DAB2IP: variants seen among roughly 807,000 people sequenced by gnomAD.
The protein encoded by DAB2IP is disabled homolog 2-interacting protein.
A neutral mutation model predicts 107.2 loss-of-function variants in DAB2IP; 28 were observed. The observed-to-expected ratio is 0.26, with a 90% CI of 0.19 to 0.36. The LOEUF (loss-of-function observed/expected upper bound fraction) is 0.36, where lower values mean the gene tolerates loss of function less well. DAB2IP is among the 10% of genes least tolerant of loss of function. The pLI is 1.00. For missense variants in DAB2IP, 1,400 were observed against 1,644.7 expected (o/e 0.85, Z 2.57); for synonymous variants, 755 against 706.4 (o/e 1.07, Z -1.09).
In DAB2IP at chr9:121,678,928, C is replaced by T. The variant is rs1033884676; in HGVS notation, c.228+147C>T. ...CCTCCCTTGCTCTAGGTATCCGATCCCTCAGCTGCTCCCATCTCCGTGGCT... is the reference window on the plus strand; with the variant it reads ...CCTCCCTTGCTCTAGGTATCCGATCTCTCAGCTGCTCCCATCTCCGTGGCT... On this transcript the variant is annotated intron_variant, in intron 2 of 15. Coordinates refer to ENST00000408936, the Ensembl canonical transcript of DAB2IP. 6 of 727,956 alleles carry T rather than the reference C, an allele frequency of 8.2e-6. No homozygotes were observed. The African/African-American group carries it at 9.2e-5, about 11-fold the overall frequency. 45.1% of individuals were successfully genotyped at this position (727,956 alleles called of 1,614,324 possible).
At chr9:121,689,258 C>T (rs374866498) in intron 2 of DAB2IP, among the ~76,000 whole-genome samples, 1 of 151,036 alleles carries the variant, frequency 6.6e-6, no homozygotes, top group East Asian at 1.9e-4. Flanking sequence ...CGCGCCACTA[C>T]ACTCTAGCCT....
chr9:121,618,711 G>T (rs965857441), intron 1 of DAB2IP, among the ~76,000 whole-genome samples: 1 of 152,132 alleles, frequency 6.6e-6, no homozygotes. Flanking sequence ...CGCTGTAGGC[G>T]TGACATCCAG....
intron 14 of DAB2IP, among the ~76,000 whole-genome samples, chr9:121,780,881 A>C (rs1835572651): frequency 6.6e-6 from 1 of 151,592 alleles, no homozygotes; most frequent in African/African-American, 2.4e-5. Flanking sequence ...CTGATGTGCG[A>C]CCTCCCAGCC....
At chr9:121,739,391 A>C (rs1032118189) in intron 3 of DAB2IP, among the ~76,000 whole-genome samples, 9 of 152,198 alleles carry the variant, frequency 5.9e-5, no homozygotes, top group African/African-American at 2.2e-4. Flanking sequence ...AGCAGTTCAG[A>C]TTTATTCAGT....
intron 1 of DAB2IP, among the ~76,000 whole-genome samples, chr9:121,603,741 A>AG (rs780391534): frequency 6.6e-5 from 10 of 152,084 alleles, no homozygotes; most frequent in Admixed American, 1.3e-4. Context: ...TTTTCTGTAA[A>AG]GGGGCTGAAG....
chr9:121,657,609 G>T (rs544651331), intron 1 of DAB2IP, among the ~76,000 whole-genome samples: 15 of 152,208 alleles, frequency 9.9e-5, no homozygotes, highest in African/African-American at 2.6e-4. Flanking sequence ...GAAATAACTG[G>T]TTTGAACCCA....
chr9:121,754,499 T>C (rs1311441153), intron 3 of DAB2IP, among the ~76,000 whole-genome samples: 1 of 152,168 alleles, frequency 6.6e-6, no homozygotes, highest in Admixed American at 6.5e-5. Flanking sequence ...GGATGCAGCC[T>C]CTGCTTTACA....
intron 1 of DAB2IP, among the ~76,000 whole-genome samples, chr9:121,607,519 C>T (rs993389507): frequency 9.2e-5 from 14 of 151,830 alleles, no homozygotes; most frequent in African/African-American, 2.9e-4. Context: ...TCCAGGCTGG[C>T]GAACTCCTGG....
At chr9:121,674,400 G>A (rs1006988662) in intron 1 of DAB2IP, among the ~76,000 whole-genome samples, 11 of 152,288 alleles carry the variant, frequency 7.2e-5, no homozygotes, top group African/African-American at 1.7e-4. Flanking sequence ...CTCCAGTTTC[G>A]TATGGAGTGC....
intron 1 of DAB2IP, among the ~76,000 whole-genome samples, chr9:121,641,929 CTT>C (rs1832316359): frequency 2.2e-5 from 3 of 134,728 alleles, no homozygotes; most frequent in African/African-American, 8.6e-5. Flanking sequence ...TTCTTTCTTT[CTT>C]TCTTTCTCTC....
At chr9:121,725,467 A>C (rs1450351604) in intron 3 of DAB2IP, among the ~76,000 whole-genome samples, 1 of 152,188 alleles carries the variant, frequency 6.6e-6, no homozygotes, top group Non-Finnish European at 1.5e-5. Context: ...TGGGGTACCC[A>C]GTGCAGCAAA....
exon 9 of DAB2IP, chr9:121,766,628 C>T (rs1373975194): frequency 1.2e-6 from 2 of 1,614,168 alleles, no homozygotes. Flanking sequence ...GCCATCATGT[C>T]GCCCTCACTC....
chr9:121,609,418 A>T (rs190314166), intron 1 of DAB2IP, among the ~76,000 whole-genome samples: 1 of 152,132 alleles, frequency 6.6e-6, no homozygotes, highest in Non-Finnish European at 1.5e-5. Flanking sequence ...AAGCTCCCAG[A>T]CCACCAGGAT....
At chr9:121,639,365 G>T (rs1832200126) in intron 1 of DAB2IP, among the ~76,000 whole-genome samples, 1 of 152,204 alleles carries the variant, frequency 6.6e-6, no homozygotes, top group African/African-American at 2.4e-5. Context: ...TCAGAGCACA[G>T]CGGCAAGCTG....
intron 3 of DAB2IP, among the ~76,000 whole-genome samples, chr9:121,706,981 A>G (rs1404847897): frequency 6.6e-6 from 1 of 152,194 alleles, no homozygotes; most frequent in Admixed American, 6.5e-5. Flanking sequence ...GGGAGGGGTA[A>G]GAAGTGATCC....
chr9:121,660,303 C>T (rs953861386), intron 1 of DAB2IP, among the ~76,000 whole-genome samples: 2 of 152,174 alleles, frequency 1.3e-5, no homozygotes, highest in Admixed American at 6.5e-5. Flanking sequence ...GAGGCTCAGA[C>T]TGGTTAAGTG....
At chr9:121,747,856 G>A (rs147630190) in intron 3 of DAB2IP, among the ~76,000 whole-genome samples, 7 of 110,012 alleles carry the variant, frequency 6.4e-5, no homozygotes, top group East Asian at 2.6e-4. Flanking sequence ...CTCCTCCCCC[G>A]CAAAAAAAAA....
intron 2 of DAB2IP, among the ~76,000 whole-genome samples, chr9:121,688,277 A>G (rs1466958989): frequency 6.6e-6 from 1 of 152,246 alleles, no homozygotes; most frequent in Non-Finnish European, 1.5e-5. Flanking sequence ...TTGTTTCCAA[A>G]GCCAGGAGGC....
chr9:121,755,229 G>A (rs1311998497), intron 3 of DAB2IP, among the ~76,000 whole-genome samples: 3 of 151,766 alleles, frequency 2.0e-5, no homozygotes, highest in Non-Finnish European at 2.9e-5. Flanking sequence ...GCGGTGTGGC[G>A]GTGTGATGTG....
Sources: gnomAD v4.1 joint callset for allele counts (sites outside exome capture counted in the v4.1 genomes callset) on GRCh38, gnomAD v4.1.1 for gene constraint, MANE v1.5 for transcripts, NCBI Gene and HGNC (gene_info 2026-07-23, HGNC 2026-07-21) for gene names.